NXPE2: variants seen among roughly 807,000 people sequenced by gnomAD.
NXPE2 encodes NXPE family member 2.
In NXPE2, 34 loss-of-function variants were observed where a neutral mutation model predicts 34.4. The ratio of observed to expected loss-of-function variants is 0.99; its 90% CI spans 0.75 to 1.31. NXPE2 has a LOEUF of 1.31. NXPE2 is among the 40% of genes most tolerant of loss of function. NXPE2 has a pLI of 0.00. For missense variants in NXPE2, 649 were observed against 672.5 expected (o/e 0.97, Z 0.39); for synonymous variants, 235 against 231.3 (o/e 1.02, Z -0.15).
At chr11:114,637,486 G>A in the NXPE2 span, among the ~76,000 whole-genome samples, 1 of 151,586 alleles carries the variant, frequency 6.6e-6, no homozygotes, top group African/African-American at 2.4e-5. Context: ...ATTGTTATGT[G>A]TGAATTTGAT....
chr11:114,694,907 C>A (rs1951220148), intron 2 of NXPE2, among the ~76,000 whole-genome samples: 1 of 151,874 alleles, frequency 6.6e-6, no homozygotes, highest in South Asian at 2.1e-4. Context: ...AATTTCTGGT[C>A]TGATAATTTC....
chr11:114,495,049 T>C, the NXPE2 span, among the ~76,000 whole-genome samples: 1 of 152,188 alleles, frequency 6.6e-6, no homozygotes, highest in African/African-American at 2.4e-5. Context: ...CTTCCTTTAC[T>C]TTCACCCAAG....
At chr11:114,538,059 T>C in the NXPE2 span, among the ~76,000 whole-genome samples, 3 of 152,180 alleles carry the variant, frequency 2.0e-5, no homozygotes, top group Non-Finnish European at 2.9e-5. Flanking sequence ...CAAAACAGCA[T>C]GGTACTGGTA....
At chr11:114,733,681 C>A in the NXPE2 span, among the ~76,000 whole-genome samples, 1 of 152,162 alleles carries the variant, frequency 6.6e-6, no homozygotes, top group Admixed American at 6.5e-5. Flanking sequence ...CTTCTTGATA[C>A]AAATGAAAAT....
chr11:114,611,978 A>G, the NXPE2 span, among the ~76,000 whole-genome samples: 1,321 of 151,970 alleles, frequency 8.7e-3, 8 homozygotes, highest in Middle Eastern at 0.024. Context: ...CTCGTGGGTA[A>G]CCACAGTTAC....
chr11:114,694,846 A>AT (rs34425998), intron 2 of NXPE2, among the ~76,000 whole-genome samples: 114,250 of 151,328 alleles, frequency 0.75, 43,676 homozygotes, highest in East Asian at 0.84. Flanking sequence ...CTTGTTTTGT[A>AT]TTTTTTTTAT....
At chr11:114,765,020 C>T in the NXPE2 span, among the ~76,000 whole-genome samples, 1 of 152,204 alleles carries the variant, frequency 6.6e-6, no homozygotes, top group Admixed American at 6.5e-5. Context: ...TTTTCTTCCA[C>T]AAGGTGTACC....
chr11:114,647,829 G>A, the NXPE2 span, among the ~76,000 whole-genome samples: 35 of 151,960 alleles, frequency 2.3e-4, no homozygotes, highest in Non-Finnish European at 8.8e-5. Flanking sequence ...AGCCTTCTAA[G>A]TAGCTAAGAT....
chr11:114,602,739 TAAAG>T, the NXPE2 span, among the ~76,000 whole-genome samples: 4 of 144,320 alleles, frequency 2.8e-5, no homozygotes, highest in East Asian at 2.1e-4. Context: ...CATATATAAT[TAAAG>T]AATCATATAT....
At chr11:114,562,944 A>G in the NXPE2 span, among the ~76,000 whole-genome samples, 1 of 152,310 alleles carries the variant, frequency 6.6e-6, no homozygotes, top group East Asian at 1.9e-4. Flanking sequence ...AGAATGAGAG[A>G]GACCCATTTC....
chr11:114,794,194 T>C, the NXPE2 span, among the ~76,000 whole-genome samples: 1 of 152,178 alleles, frequency 6.6e-6, no homozygotes, highest in Non-Finnish European at 1.5e-5. Context: ...CCCAGCCTCA[T>C]TTCCAGCCAC....
At chr11:114,526,000 G>A in the NXPE2 span, among the ~76,000 whole-genome samples, 1 of 152,174 alleles carries the variant, frequency 6.6e-6, no homozygotes, top group African/African-American at 2.4e-5. Context: ...AGACTATCCT[G>A]GATTACATGG....
At chr11:114,580,469 G>T in the NXPE2 span, 2 of 696,472 alleles carry the variant, frequency 2.9e-6, no homozygotes, top group African/African-American at 1.8e-5. Flanking sequence ...AAGTATTACT[G>T]AAGTATTCTC....
At chr11:114,782,935 A>G in the NXPE2 span, among the ~76,000 whole-genome samples, 8 of 152,254 alleles carry the variant, frequency 5.3e-5, no homozygotes, top group African/African-American at 1.9e-4. Flanking sequence ...GCCTGTGGAC[A>G]GATAAATTAA....
chr11:114,605,883 G>A, the NXPE2 span, among the ~76,000 whole-genome samples: 8 of 149,530 alleles, frequency 5.4e-5, 1 homozygote, highest in South Asian at 2.1e-4. Flanking sequence ...GTGTTGCCTC[G>A]TGCATAACCA....
chr11:114,748,141 G>GT, the NXPE2 span, among the ~76,000 whole-genome samples: 1 of 152,264 alleles, frequency 6.6e-6, no homozygotes, highest in African/African-American at 2.4e-5. Context: ...ACTTACAAAT[G>GT]TTTTTTCATT....
chr11:114,767,376 A>G, the NXPE2 span, among the ~76,000 whole-genome samples: 2 of 152,182 alleles, frequency 1.3e-5, no homozygotes, highest in African/African-American at 4.8e-5. Flanking sequence ...TACAAAAAAG[A>G]ACTCAATCCT....
the NXPE2 span, among the ~76,000 whole-genome samples, chr11:114,553,258 T>G: frequency 6.6e-6 from 1 of 152,232 alleles, no homozygotes; most frequent in Non-Finnish European, 1.5e-5. Flanking sequence ...TGTCTGTGCC[T>G]TCATTAGACT....
chr11:114,664,914 T>C, the NXPE2 span, among the ~76,000 whole-genome samples: 11 of 152,152 alleles, frequency 7.2e-5, no homozygotes, highest in Non-Finnish European at 1.0e-4. Flanking sequence ...CTAATGTAAG[T>C]GTTCAGAGCA....
Sources: allele counts gnomAD v4.1 joint callset (sites outside exome capture counted in the v4.1 genomes callset), GRCh38; gene constraint gnomAD v4.1.1; transcripts MANE v1.5; gene names NCBI Gene and HGNC (gene_info 2026-07-23, HGNC 2026-07-21).